The following MGAT5 variants were observed in gnomAD, a reference collection of about 807,000 sequenced individuals.
MGAT5 encodes alpha-1,6-mannosylglycoprotein 6-beta-N-acetylglucosaminyltransferase A.
MGAT5 carries 30 observed loss-of-function variants against 94.3 expected under a neutral mutation model. The ratio of observed to expected loss-of-function variants is 0.32; its 90% CI spans 0.24 to 0.43. The LOEUF is 0.43. Among genes scored for constraint, MGAT5 ranks in the 20% least tolerant of loss-of-function variants. The probability of loss-of-function intolerance (pLI) is 1.00; values close to 1 mark genes in which losing one functional copy is unlikely to be tolerated. For missense variants in MGAT5, 691 were observed against 905.5 expected, an observed-to-expected ratio of 0.76 and a Z score of 3.04; for synonymous variants, 310 against 322.9, an observed-to-expected ratio of 0.96 and a Z score of 0.43.
intron 1 of MGAT5, among the ~76,000 whole-genome samples, chr2:134,239,023 G>C (rs758917131): frequency 6.6e-6 from 1 of 152,180 alleles, no homozygotes; most frequent in Non-Finnish European, 1.5e-5. Context: ...TTTTGAGACA[G>C]AGTCTTGCTC....
At chr2:134,140,732 T>C (rs1444944253) in intron 1 of MGAT5, among the ~76,000 whole-genome samples, 1 of 152,208 alleles carries the variant, frequency 6.6e-6, no homozygotes, top group East Asian at 1.9e-4. Flanking sequence ...CATTGATTTA[T>C]CTATTCATGA....
chr2:134,290,089 G>T (rs1312979632), intron 2 of MGAT5, among the ~76,000 whole-genome samples: 1 of 152,186 alleles, frequency 6.6e-6, no homozygotes, highest in Non-Finnish European at 1.5e-5. Flanking sequence ...GAGCTGGAGA[G>T]CTTTCCAGGT....
At chr2:134,300,502 A>G (rs1204446473) in intron 2 of MGAT5, among the ~76,000 whole-genome samples, 2 of 152,256 alleles carry the variant, frequency 1.3e-5, no homozygotes, top group African/African-American at 2.4e-5. Flanking sequence ...GCCCAACACT[A>G]TACACAATTA....
At chr2:134,265,394 C>T (rs1408500478) in intron 1 of MGAT5, among the ~76,000 whole-genome samples, 1 of 152,172 alleles carries the variant, frequency 6.6e-6, no homozygotes, top group Non-Finnish European at 1.5e-5. Flanking sequence ...AAGGATGTGT[C>T]TGTCAGGCCC....
chr2:134,340,811 C>G (rs1473373896), intron 6 of MGAT5, among the ~76,000 whole-genome samples: 2 of 152,150 alleles, frequency 1.3e-5, no homozygotes, highest in Non-Finnish European at 2.9e-5. Flanking sequence ...CATCCCAAGA[C>G]AGAGACACCT....
At chr2:134,164,578 G>A (rs925999010) in intron 1 of MGAT5, among the ~76,000 whole-genome samples, 3 of 152,090 alleles carry the variant, frequency 2.0e-5, no homozygotes, top group African/African-American at 2.4e-5. Context: ...CTGAATGCAA[G>A]GGCTTACTAT....
intron 10 of MGAT5, among the ~76,000 whole-genome samples, chr2:134,399,769 A>T (rs1682930509): frequency 6.6e-6 from 1 of 152,146 alleles, no homozygotes; most frequent in Non-Finnish European, 1.5e-5. Flanking sequence ...GATCAGTGGG[A>T]CATACAGGTC....
chr2:134,183,482 A>C (rs532452704), intron 1 of MGAT5, among the ~76,000 whole-genome samples: 1 of 152,338 alleles, frequency 6.6e-6, no homozygotes, highest in East Asian at 1.9e-4. Flanking sequence ...TTTGAGTTGG[A>C]AACAATAGCA....
At chr2:134,390,049 T>A (rs1682303737) in intron 10 of MGAT5, among the ~76,000 whole-genome samples, 1 of 152,216 alleles carries the variant, frequency 6.6e-6, no homozygotes, top group African/African-American at 2.4e-5. Flanking sequence ...CACTGGGTCT[T>A]CAGTTTGTTT....
rs1683840523 is a variant in MGAT5, at chr2:134,268,341, T to C, written c.242-2045T>C. Among the ~76,000 whole-genome samples, 1 of 152,244 alleles carries C rather than the reference T, an allele frequency of 6.6e-6. No individual in the cohort carries two copies. Among genetic ancestry groups the C allele is most frequent in the Non-Finnish European group, 1.5e-5 (1 of 68,048 alleles). On this transcript the variant is annotated intron_variant, in intron 1 of 15. Transcript: ENST00000281923. The surrounding 1 kb of genome is among the most constrained non-coding windows in gnomAD (Gnocchi z 4.1). Reference sequence around the variant, plus strand: ...AAATGGGGGAGATTGATCTTTTATATCTGAAGAGTATTTCTTTATACTGAA... The same window carrying C: ...AAATGGGGGAGATTGATCTTTTATACCTGAAGAGTATTTCTTTATACTGAA...
chr2:134,305,456 G>T (rs968657251), intron 2 of MGAT5, among the ~76,000 whole-genome samples: 2 of 152,150 alleles, frequency 1.3e-5, no homozygotes, highest in Admixed American at 1.3e-4. Context: ...TCTTAAAACA[G>T]CCCAAGGATA....
At chr2:134,325,118 T>C (rs4953913) in intron 4 of MGAT5, among the ~76,000 whole-genome samples, 25,642 of 152,010 alleles carry the variant, frequency 0.17, 2,288 homozygotes, top group Middle Eastern at 0.35. Context: ...TAGCAACACT[T>C]CCTGTTTATG....
intron 4 of MGAT5, chr2:134,319,786 T>C: frequency 2.4e-6 from 1 of 410,500 alleles, no homozygotes; most frequent in South Asian, 1.7e-5. Context: ...GACACTTGAG[T>C]ACATTGGGTG....
intron 11 of MGAT5, among the ~76,000 whole-genome samples, chr2:134,404,627 A>G (rs995867578): frequency 1.3e-5 from 2 of 152,192 alleles, no homozygotes; most frequent in Non-Finnish European, 2.9e-5. Context: ...AAGAATGTAT[A>G]TCTCCTCTTT....
chr2:134,432,427 C>T (rs191732863), intron 14 of MGAT5, among the ~76,000 whole-genome samples: 13 of 152,266 alleles, frequency 8.5e-5, no homozygotes, highest in Admixed American at 5.9e-4. Context: ...CCAGAATAAG[C>T]CCACTATGGA....
intron 2 of MGAT5, among the ~76,000 whole-genome samples, chr2:134,302,194 A>G (rs780478273): frequency 1.3e-5 from 2 of 152,210 alleles, no homozygotes; most frequent in Admixed American, 6.5e-5. Context: ...TTTATTTACA[A>G]AAACAGGCAG....
At chr2:134,296,566 G>A (rs1000939953) in intron 2 of MGAT5, among the ~76,000 whole-genome samples, 2 of 151,808 alleles carry the variant, frequency 1.3e-5, no homozygotes, top group Admixed American at 1.3e-4. Flanking sequence ...GTACTTGAAA[G>A]AAAACCACTT....
Position 134,321,822 on chromosome 2 carries a change from A to G in MGAT5, c.573+3083A>G, listed in dbSNP as rs145860617. Among the ~76,000 whole-genome samples the G allele has an allele frequency of 1.4e-3, 214 of 152,332 alleles. 2 individuals carry two copies. The highest frequency in any genetic ancestry group is 4.1e-3 in the Admixed American group (62 of 15,296). On this transcript the variant is annotated intron_variant, in intron 4 of 15. Coordinates refer to ENST00000281923, the MANE Select transcript of MGAT5 (RefSeq NM_002410.5). ...ATGTGTTAATCATTGTAAAAGCAAC[A>G]GGAAGAAAGGATGCAGGTAACTGAA...
chr2:134,148,746 T>C (rs1296396229), intron 1 of MGAT5, among the ~76,000 whole-genome samples: 1 of 151,582 alleles, frequency 6.6e-6, no homozygotes, highest in East Asian at 1.9e-4. Context: ...TGAAATTAAG[T>C]TCTCTTTCTT....
Sources: allele counts gnomAD v4.1 joint callset (sites outside exome capture counted in the v4.1 genomes callset), GRCh38; gene constraint gnomAD v4.1.1; non-coding constraint Gnocchi (gnomAD v3.1); transcripts MANE v1.5; gene names NCBI Gene and HGNC (gene_info 2026-07-23, HGNC 2026-07-21).